Variants in ADORA2B observed in about 807,000 individuals in gnomAD.
The protein encoded by ADORA2B is adenosine receptor A2b.
A neutral mutation model predicts 20.8 loss-of-function variants in ADORA2B; 18 were observed. That is an observed-to-expected ratio of 0.87 (90% CI 0.60 to 1.29). ADORA2B has a LOEUF of 1.29. Among genes scored for constraint, ADORA2B ranks in the 50% most tolerant of loss-of-function variants. ADORA2B has a pLI of 0.00. For synonymous variants in ADORA2B, 179 were observed against 178.3 expected, an observed-to-expected ratio of 1.00 and a Z score of -0.03; for missense variants, 441 against 422.7, an observed-to-expected ratio of 1.04 and a Z score of -0.38.
the ADORA2B span, among the ~76,000 whole-genome samples, chr17:15,929,171 C>T: frequency 6.6e-6 from 1 of 152,004 alleles, no homozygotes; most frequent in African/African-American, 2.4e-5. Context: ...ATGATGACAC[C>T]GTGAGTTGAC....
the ADORA2B span, among the ~76,000 whole-genome samples, chr17:15,917,577 G>A: frequency 6.6e-6 from 1 of 152,320 alleles, no homozygotes; most frequent in South Asian, 2.1e-4. Context: ...GCACTGGAGG[G>A]CTCCCCTAGG....
chr17:15,865,266 T>C, the ADORA2B span, among the ~76,000 whole-genome samples: 1 of 152,082 alleles, frequency 6.6e-6, no homozygotes, highest in Non-Finnish European at 1.5e-5. Flanking sequence ...GTTTTTTTTG[T>C]TGTTGTTGTT....
the ADORA2B span, among the ~76,000 whole-genome samples, chr17:15,862,785 C>T: frequency 2.6e-4 from 39 of 149,482 alleles, 1 homozygote; most frequent in South Asian, 2.1e-3. Flanking sequence ...TATACAAAAT[C>T]GGCTACTTTT....
chr17:15,955,707 C>A (rs571120533), intron 1 of ADORA2B, among the ~76,000 whole-genome samples: 2 of 147,904 alleles, frequency 1.4e-5, no homozygotes, highest in East Asian at 4.1e-4. Flanking sequence ...CACACCTGGC[C>A]GCCTCTGGGA....
the ADORA2B span, among the ~76,000 whole-genome samples, chr17:15,876,930 C>G: frequency 6.6e-6 from 1 of 152,150 alleles, no homozygotes; most frequent in Non-Finnish European, 1.5e-5. Flanking sequence ...CCCTTGTCCC[C>G]CAGCCACCAT....
At chr17:15,920,704 A>G in the ADORA2B span, among the ~76,000 whole-genome samples, 1 of 143,090 alleles carries the variant, frequency 7.0e-6, no homozygotes, top group African/African-American at 2.6e-5. Context: ...CTGGTGATAG[A>G]GGGAGACTCC....
chr17:15,916,726 G>T, the ADORA2B span, among the ~76,000 whole-genome samples: 1 of 152,214 alleles, frequency 6.6e-6, no homozygotes, highest in African/African-American at 2.4e-5. Context: ...CTGCCTTTTA[G>T]TTTTTAATTC....
At chr17:15,945,710 G>A (rs1214681170) in intron 1 of ADORA2B, 127 bp downstream of exon 1, 2 of 915,270 alleles carry the variant, frequency 2.2e-6, no homozygotes, top group Non-Finnish European at 3.2e-6. Flanking sequence ...CGGGGCGCTT[G>A]GAGGGCTGGT....
the ADORA2B span, among the ~76,000 whole-genome samples, chr17:15,925,768 G>A: frequency 6.6e-6 from 1 of 152,164 alleles, no homozygotes; most frequent in Non-Finnish European, 1.5e-5. Flanking sequence ...AGGAGTTCAA[G>A]GCCAGCCTGG....
At chr17:15,899,742 A>G in the ADORA2B span, among the ~76,000 whole-genome samples, 5 of 152,066 alleles carry the variant, frequency 3.3e-5, no homozygotes, top group African/African-American at 9.7e-5. Flanking sequence ...TATGGCCTCC[A>G]GCTGCATCCA....
chr17:15,943,390 G>C (rs757043924), upstream of ADORA2B, among the ~76,000 whole-genome samples: 7 of 152,160 alleles, frequency 4.6e-5, no homozygotes, highest in Non-Finnish European at 1.0e-4. Flanking sequence ...GCAGTGGCAT[G>C]ATCCCAGCTC....
chr17:15,945,702 G>A, intron 1 of ADORA2B, 119 bp downstream of exon 1: 1 of 1,011,626 alleles, frequency 9.9e-7, no homozygotes, highest in East Asian at 2.7e-5. Context: ...GGGGCGCGCG[G>A]GGCGCTTGGA....
chr17:15,926,385 G>A, the ADORA2B span, among the ~76,000 whole-genome samples: 2 of 151,954 alleles, frequency 1.3e-5, no homozygotes. Flanking sequence ...CCAGAGAGAG[G>A]GGTGCTATTC....
At chr17:15,884,472 C>T in the ADORA2B span, among the ~76,000 whole-genome samples, 4 of 151,986 alleles carry the variant, frequency 2.6e-5, no homozygotes, top group African/African-American at 4.8e-5. Flanking sequence ...TAAACATGTG[C>T]CATGGTGGTT....
chr17:15,902,100 A>G, the ADORA2B span, among the ~76,000 whole-genome samples: 1 of 152,086 alleles, frequency 6.6e-6, no homozygotes, highest in Admixed American at 6.5e-5. Flanking sequence ...CTACTCTAGT[A>G]CCTCATTTGA....
the ADORA2B span, among the ~76,000 whole-genome samples, chr17:15,905,474 G>A: frequency 2.5e-4 from 38 of 152,170 alleles, no homozygotes; most frequent in Middle Eastern, 3.4e-3. Context: ...TCCACCTCCC[G>A]GGTTCAAGTG....
chr17:15,877,587 G>T, the ADORA2B span, among the ~76,000 whole-genome samples: 1 of 152,026 alleles, frequency 6.6e-6, no homozygotes, highest in South Asian at 2.1e-4. Flanking sequence ...TGGGGGTGGA[G>T]AATGACTATC....
chr17:15,948,398 C>CGGTGGGTGGG (rs61613212), intron 1 of ADORA2B, among the ~76,000 whole-genome samples: 1 of 22,602 alleles, frequency 4.4e-5, no homozygotes, highest in African/African-American at 6.7e-5. Flanking sequence ...TGGGCCCTGG[C>CGGTGGGTGGG]GGCGGGGGGC....
the ADORA2B span, among the ~76,000 whole-genome samples, chr17:15,891,313 A>G: frequency 7.3e-5 from 11 of 150,626 alleles, no homozygotes; most frequent in African/African-American, 2.5e-4. Flanking sequence ...ATATGTGTAT[A>G]TGCCTGTCCC....
Sources: allele counts gnomAD v4.1 joint callset (sites outside exome capture counted in the v4.1 genomes callset), GRCh38; gene constraint gnomAD v4.1.1; transcripts MANE v1.5; gene names NCBI Gene and HGNC (gene_info 2026-07-23, HGNC 2026-07-21).